CRHR2: variants seen among roughly 807,000 people sequenced by gnomAD.
CRHR2 encodes the protein corticotropin-releasing hormone receptor 2.
Under a neutral mutation model 57.9 loss-of-function variants are expected in CRHR2, and 53 were observed. The observed-to-expected ratio is 0.92, with a 90% CI of 0.73 to 1.15. The LOEUF (loss-of-function observed/expected upper bound fraction) is 1.15, where lower values mean the gene tolerates loss of function less well. Among genes scored for constraint, CRHR2 ranks in the 50% most tolerant of loss-of-function variants. The probability of loss-of-function intolerance (pLI) is 0.00; values close to 1 mark genes in which losing one functional copy is unlikely to be tolerated. For synonymous variants in CRHR2, 213 were observed against 220.9 expected, an observed-to-expected ratio of 0.96 and a Z score of 0.32; for missense variants, 532 against 542.6, an observed-to-expected ratio of 0.98 and a Z score of 0.19.
At position 30,653,318 on chromosome 7, in the gene CRHR2, C is replaced by T. The variant is rs545097587; in HGVS notation, c.*142G>A. ...GTCCCTTGCAGTCCCCCTTGGCTGC[C>T]GCACCCCCTCTTTCCTGCCAGGCTG... is the stretch of plus-strand genomic sequence containing the variant. On this transcript the variant is annotated 3_prime_UTR_variant, in exon 12 of 12. Transcript: ENST00000471646. This position sits in a 1 kb window ranked among gnomAD's most constrained non-coding sequence, Gnocchi z 5.0. The T allele has an allele frequency of 3.3e-5, 42 of 1,258,242 alleles. 1 individual carries two copies. Among genetic ancestry groups the T allele is most frequent in the East Asian group, 2.8e-4 (12 of 42,130 alleles). 77.9% of individuals were successfully genotyped at this position (1,258,242 alleles called of 1,614,324 possible).
intron 1 of CRHR2, among the ~76,000 whole-genome samples, chr7:30,690,640 C>T (rs1784942947): frequency 6.6e-6 from 1 of 152,190 alleles, no homozygotes; most frequent in African/African-American, 2.4e-5. Context: ...ACATCACGTT[C>T]TCCACATTGG....
In CRHR2 at chr7:30,662,099, G is replaced by A. The variant is rs1442513875; in HGVS notation, c.758+57C>T. ...CTTGGCCAGAGCCCAAGGCTGACCT[G>A]TCCTAACACCCCCATTCCCTTCCCC... is the stretch of plus-strand genomic sequence containing the variant. On this transcript the variant is annotated intron_variant, in intron 7 of 11. Transcript: ENST00000471646. The A allele has an allele frequency of 1.1e-5, 17 of 1,590,604 alleles. No homozygotes were observed. The South Asian group carries it at 1.7e-4, about 16-fold the overall frequency.
At position 30,653,718 on chromosome 7, in the gene CRHR2, G is replaced by C; in HGVS notation, c.1096-118C>G. 1 of 1,279,412 alleles carries C rather than the reference G, an allele frequency of 7.8e-7. No homozygotes were observed. Among genetic ancestry groups the C allele is most frequent in the South Asian group, 1.5e-5 (1 of 64,818 alleles). 79.3% of individuals were successfully genotyped at this position (1,279,412 alleles called of 1,614,324 possible). On this transcript the variant is annotated intron_variant, in intron 11 of 11. Transcript: ENST00000471646. This position sits in a 1 kb window ranked among gnomAD's most constrained non-coding sequence, Gnocchi z 5.0. ...ACTGCCACCCTCATGACAAGGAACT[G>C]TCTGCTTCCAAAACAGGTCCTTCCC...
At chr7:30,686,640 T>C, upstream of CRHR2, 1 of 873,202 alleles carries the variant, frequency 1.1e-6, no homozygotes, top group Non-Finnish European at 1.8e-6. Context: ...AAAAAATAAA[T>C]AAATAGTCCA....
intron 1 of CRHR2, among the ~76,000 whole-genome samples, chr7:30,699,396 G>C (rs1032594134): frequency 1.3e-5 from 2 of 152,158 alleles, no homozygotes; most frequent in African/African-American, 2.4e-5. Context: ...ACTGGGGGCT[G>C]CCTGATTCCA....
intron 1 of CRHR2, among the ~76,000 whole-genome samples, chr7:30,692,171 C>G (rs117375284): frequency 6.6e-6 from 1 of 152,192 alleles, no homozygotes; most frequent in Non-Finnish European, 1.5e-5. Context: ...ACGTAGAATG[C>G]GCACGCTGAA....
At chr7:30,683,532 G>A (rs1312288526), upstream of CRHR2, among the ~76,000 whole-genome samples, 1 of 152,184 alleles carries the variant, frequency 6.6e-6, no homozygotes, top group Non-Finnish European at 1.5e-5. Flanking sequence ...CATTGGGCTC[G>A]GGAAGCAGGG....
At chr7:30,698,414 G>A (rs1383868854) in intron 1 of CRHR2, among the ~76,000 whole-genome samples, 1 of 152,116 alleles carries the variant, frequency 6.6e-6, no homozygotes, top group Non-Finnish European at 1.5e-5. Flanking sequence ...GACCCCAGAG[G>A]GACGGGCTGA....
chr7:30,681,442 C>A (rs1784701648), intron 2 of CRHR2, among the ~76,000 whole-genome samples: 1 of 152,222 alleles, frequency 6.6e-6, no homozygotes, highest in South Asian at 2.1e-4. Context: ...AGCCCTCCTG[C>A]CTCCTACCCT....
At chr7:30,672,265 C>T (rs1267187826) in intron 2 of CRHR2, among the ~76,000 whole-genome samples, 1 of 152,236 alleles carries the variant, frequency 6.6e-6, no homozygotes, top group Non-Finnish European at 1.5e-5. Flanking sequence ...CTGCCTGGCT[C>T]ATGCTAGGCT....
intron 2 of CRHR2, among the ~76,000 whole-genome samples, 165 bp from the exon 3 acceptor site, chr7:30,667,478 G>A (rs1003163481): frequency 3.9e-5 from 6 of 152,308 alleles, no homozygotes; most frequent in Admixed American, 3.9e-4. Flanking sequence ...TGTGAAAATA[G>A]CACAAAAGGC....
At chr7:30,699,236 C>A (rs150556448) in intron 1 of CRHR2, among the ~76,000 whole-genome samples, 1 of 152,218 alleles carries the variant, frequency 6.6e-6, no homozygotes, top group African/African-American at 2.4e-5. Context: ...TTTTGATGGT[C>A]GCTCTGTGTC....
At chr7:30,691,936 ATCT>A (rs1010847392) in intron 1 of CRHR2, among the ~76,000 whole-genome samples, 11 of 152,302 alleles carry the variant, frequency 7.2e-5, no homozygotes, top group Admixed American at 5.9e-4. Context: ...GGACAGACAT[ATCT>A]TGGATAATCC....
At position 30,691,871 on chromosome 7, in the gene CRHR2, G is replaced by A. The variant is rs573697216; in HGVS notation, c.-260-2587C>T. On this transcript the variant is annotated intron_variant, in intron 1 of 13. Coordinates refer to the CRHR2 transcript ENST00000341843. ...GGTGGTGGTGATGGGTGGGCAGGGA[G>A]GAGGAGGAAAGAGAGGCTGCTGTCC... Among the ~76,000 whole-genome samples the A allele has an allele frequency of 3.3e-5, 5 of 152,270 alleles. No individual in the cohort carries two copies. In the East Asian group the frequency reaches 5.8e-4, roughly 18 times the overall value.
intron 2 of CRHR2, among the ~76,000 whole-genome samples, chr7:30,672,356 T>C (rs2128144836): frequency 6.6e-6 from 1 of 152,376 alleles, no homozygotes; most frequent in Non-Finnish European, 1.5e-5. Context: ...AAGTTTACCT[T>C]ATTTTGTACA....
chr7:30,653,426 G>C lies in CRHR2; in HGVS notation c.*34C>G, dbSNP rs756762492. On this transcript the variant is annotated 3_prime_UTR_variant, in exon 12 of 12. Coordinates refer to ENST00000471646, the MANE Select transcript of CRHR2 (RefSeq NM_001883.5). The surrounding 1 kb of genome is among the most constrained non-coding windows in gnomAD (Gnocchi z 5.0). ...AACCCAGAGGAAGAAGGTGGAGGAGGACAGGGGAGCTGTGCAGGTGGGCGA... is the reference window on the plus strand; with the variant it reads ...AACCCAGAGGAAGAAGGTGGAGGAGCACAGGGGAGCTGTGCAGGTGGGCGA... 10 of 1,607,520 alleles carry C rather than the reference G, an allele frequency of 6.2e-6. No homozygotes were observed. The Admixed American group carries it at 1.5e-4, about 24-fold the overall frequency.
chr7:30,656,714 G>C lies in CRHR2; in HGVS notation c.832-702C>G, dbSNP rs190740808. Reference sequence around the variant, plus strand: ...CAGCACCTGGCCCTGGAACTGGCCTGTGTGGCTCCCCAGCTGCTCCCTGCT... The same window carrying C: ...CAGCACCTGGCCCTGGAACTGGCCTCTGTGGCTCCCCAGCTGCTCCCTGCT... On this transcript the variant is annotated intron_variant, in intron 8 of 11. Transcript: ENST00000471646. The surrounding 1 kb of genome is among the most constrained non-coding windows in gnomAD (Gnocchi z 4.4). 6.6e-6 allele frequency among the ~76,000 whole-genome samples: 1 copy of C among 152,172 alleles called. No individual in the cohort carries two copies. The highest frequency in any genetic ancestry group is 6.5e-5 in the Admixed American group (1 of 15,278).
intron 7 of CRHR2, among the ~76,000 whole-genome samples, chr7:30,661,315 G>A (rs1272694066): frequency 1.3e-5 from 2 of 152,192 alleles, no homozygotes; most frequent in African/African-American, 2.4e-5. Flanking sequence ...CTGAAATCTT[G>A]GAGGTCATCC....
At chr7:30,685,987 C>T (rs2128149848), upstream of CRHR2, among the ~76,000 whole-genome samples, 1 of 152,266 alleles carries the variant, frequency 6.6e-6, no homozygotes, top group Non-Finnish European at 1.5e-5. Context: ...TTGAAAGGCC[C>T]TCCAGAACAA....
Sources: allele counts gnomAD v4.1 joint callset (sites outside exome capture counted in the v4.1 genomes callset), GRCh38; gene constraint gnomAD v4.1.1; non-coding constraint Gnocchi (gnomAD v3.1); transcripts MANE v1.5; gene names NCBI Gene and HGNC (gene_info 2026-07-23, HGNC 2026-07-21).